Variants in ASAP1 observed in about 807,000 individuals in gnomAD.
ASAP1 encodes the protein ArfGAP with SH3 domain, ankyrin repeat and PH domain 1, also known as arf-GAP with SH3 domain, ANK repeat and PH domain-containing protein 1.
Under a neutral mutation model 145.2 loss-of-function variants are expected in ASAP1, and 43 were observed. The ratio of observed to expected loss-of-function variants is 0.30; its 90% confidence interval spans 0.23 to 0.38. The LOEUF is 0.38. ASAP1 is among the 10% of genes least tolerant of loss of function. ASAP1 has a pLI of 1.00. For synonymous variants in ASAP1, 546 were observed against 515.5 expected (o/e 1.06, Z -0.80); for missense variants, 1,018 against 1,355.3 (o/e 0.75, Z 3.91).
intron 3 of ASAP1, among the ~76,000 whole-genome samples, chr8:130,287,984 A>C (rs1164212140): frequency 6.6e-6 from 1 of 152,064 alleles, no homozygotes. Flanking sequence ...ACCTCCACGC[A>C]CAGTCAACCA....
At chr8:130,172,696 T>C (rs949910416) in intron 9 of ASAP1, among the ~76,000 whole-genome samples, 7 of 152,196 alleles carry the variant, frequency 4.6e-5, no homozygotes, top group African/African-American at 1.7e-4. Context: ...AAAGTTCTAC[T>C]GGACAACACT....
chr8:130,330,476 T>C (rs2185366), intron 3 of ASAP1, among the ~76,000 whole-genome samples: 67,435 of 152,122 alleles, frequency 0.44, 15,258 homozygotes, highest in Non-Finnish European at 0.48. Context: ...CACCACCCCA[T>C]TCACCTGTGA....
chr8:130,382,473 G>C (rs1468300099), intron 2 of ASAP1, among the ~76,000 whole-genome samples: 1 of 152,202 alleles, frequency 6.6e-6, no homozygotes, highest in Non-Finnish European at 1.5e-5. Flanking sequence ...TAAAGGAGAA[G>C]CAGAACAGGG....
chr8:130,365,678 G>A (rs981333373), intron 2 of ASAP1, among the ~76,000 whole-genome samples: 49 of 152,126 alleles, frequency 3.2e-4, no homozygotes, highest in Non-Finnish European at 8.8e-5. Context: ...CATTTTCCAG[G>A]GTACCATTTT....
chr8:130,249,456 C>A lies in ASAP1; in HGVS notation c.187-12462G>T, dbSNP rs533707714. ...TGCTAATTCTAGTAGCTAAAATTTT[C>A]TCTTTTCTGAACAATACTTCTGCCT... On this transcript the variant is annotated intron_variant, in intron 3 of 29. Coordinates refer to ENST00000518721, the MANE Select transcript of ASAP1 (RefSeq NM_018482.4). 5.3e-4 allele frequency among the ~76,000 whole-genome samples: 81 copies of A among 152,212 alleles called. 2 individuals are homozygous for A. In the South Asian group the frequency reaches 0.017, roughly 31 times the overall value.
At chr8:130,395,673 C>CTT (rs35746850) in intron 2 of ASAP1, among the ~76,000 whole-genome samples, 49 of 148,864 alleles carry the variant, frequency 3.3e-4, no homozygotes, top group East Asian at 2.6e-3. Flanking sequence ...CAATACATTT[C>CTT]TTTTTTTTTT....
In ASAP1 at chr8:130,360,306, T is replaced by A. The variant is rs116576335; in HGVS notation, c.60-2163A>T. Among the ~76,000 whole-genome samples the A allele has an allele frequency of 7.2e-4, 109 of 152,356 alleles. 1 individual carries two copies. The highest frequency in any genetic ancestry group is 2.6e-3 in the African/African-American group (108 of 41,588). On this transcript the variant is annotated intron_variant, in intron 2 of 29. Transcript: ENST00000518721. ...CAAGAGTAAGTCACCCAGATAATCC[T>A]GTTGTCTATGGCATCTTGGGCCCTC...
At chr8:130,129,145 T>C (rs915244297) in intron 15 of ASAP1, among the ~76,000 whole-genome samples, 4 of 152,220 alleles carry the variant, frequency 2.6e-5, no homozygotes, top group African/African-American at 7.2e-5. Context: ...AAGAAAGACA[T>C]GTTTGCTGCC....
At chr8:130,259,626 C>G (rs1276812802) in intron 3 of ASAP1, among the ~76,000 whole-genome samples, 1 of 152,182 alleles carries the variant, frequency 6.6e-6, no homozygotes, top group Non-Finnish European at 1.5e-5. Flanking sequence ...AAAACCCAAC[C>G]TAATGAACCA....
chr8:130,106,925 A>G (rs987343031), intron 24 of ASAP1, among the ~76,000 whole-genome samples: 2 of 152,148 alleles, frequency 1.3e-5, no homozygotes, highest in African/African-American at 4.8e-5. Flanking sequence ...CTTCTTCTTT[A>G]CATTTCCAGT....
At chr8:130,406,650 T>G (rs1446954361) in intron 1 of ASAP1, among the ~76,000 whole-genome samples, 1 of 151,924 alleles carries the variant, frequency 6.6e-6, no homozygotes, top group Admixed American at 6.6e-5. Context: ...CCCAGCTAAT[T>G]TTTTGTATTT....
intron 3 of ASAP1, among the ~76,000 whole-genome samples, chr8:130,248,569 C>T (rs1819000400): frequency 6.6e-6 from 1 of 152,154 alleles, no homozygotes; most frequent in South Asian, 2.1e-4. Context: ...AAGATGGAGC[C>T]TCTAGGGTTT....
At chr8:130,071,697 G>A (rs1451454033) in intron 27 of ASAP1, among the ~76,000 whole-genome samples, 2 of 152,100 alleles carry the variant, frequency 1.3e-5, no homozygotes, top group East Asian at 3.8e-4. Flanking sequence ...TGCCTGAGAG[G>A]GTGAAGCTGT....
At chr8:130,442,442 C>T (rs1317915417) in intron 1 of ASAP1, among the ~76,000 whole-genome samples, 2 of 152,122 alleles carry the variant, frequency 1.3e-5, no homozygotes, top group African/African-American at 4.8e-5. Context: ...TATCTGGCCG[C>T]GCTACAATTG....
intron 3 of ASAP1, among the ~76,000 whole-genome samples, chr8:130,356,481 C>A (rs1826315078): frequency 6.6e-6 from 1 of 152,052 alleles, no homozygotes. Flanking sequence ...GGTTCAATGC[C>A]TGGCAATTCT....
intron 3 of ASAP1, among the ~76,000 whole-genome samples, chr8:130,296,231 T>A (rs1030927861): frequency 5.9e-5 from 9 of 152,342 alleles, no homozygotes; most frequent in African/African-American, 2.2e-4. Flanking sequence ...ACTCTGGGGA[T>A]GATGTTTCTT....
intron 3 of ASAP1, among the ~76,000 whole-genome samples, chr8:130,276,720 ACACACACACTCTCT>A (rs1347224097): frequency 8.5e-6 from 1 of 117,476 alleles, no homozygotes; most frequent in African/African-American, 3.1e-5. Flanking sequence ...ACACACACAC[ACACACACACTCTCT>A]CTCTCTCTCT....
At chr8:130,338,218 C>G (rs1264464036) in intron 3 of ASAP1, among the ~76,000 whole-genome samples, 1 of 152,168 alleles carries the variant, frequency 6.6e-6, no homozygotes, top group Non-Finnish European at 1.5e-5. Flanking sequence ...GTGATGCTGG[C>G]AGCAGATGCC....
At chr8:130,338,366 A>G (rs1197501692) in intron 3 of ASAP1, among the ~76,000 whole-genome samples, 1 of 152,170 alleles carries the variant, frequency 6.6e-6, no homozygotes, top group Non-Finnish European at 1.5e-5. Flanking sequence ...TACAGCAAAT[A>G]CTCAATAAAA....
Sources: gnomAD v4.1 joint callset for allele counts (sites outside exome capture counted in the v4.1 genomes callset) on GRCh38, gnomAD v4.1.1 for gene constraint, MANE v1.5 for transcripts, NCBI Gene and HGNC (gene_info 2026-07-23, HGNC 2026-07-21) for gene names.